The following ZNF804A variants were observed in gnomAD, a reference collection of about 807,000 sequenced individuals.
ZNF804A encodes the protein zinc finger protein 804A.
In ZNF804A, 2 loss-of-function variants were observed where a neutral mutation model predicts 16.5. That is an observed-to-expected ratio of 0.12 (90% CI 0.05 to 0.38). ZNF804A has a LOEUF of 0.38. ZNF804A is among the 10% of genes least tolerant of loss of function. ZNF804A has a pLI of 0.99. For synonymous variants in ZNF804A, 534 were observed against 489.6 expected (o/e 1.09, Z -1.20); for missense variants, 1,473 against 1,390.7 (o/e 1.06, Z -0.94).
intron 1 of ZNF804A, among the ~76,000 whole-genome samples, chr2:184,797,476 T>C (rs1694651360): frequency 6.6e-6 from 1 of 152,198 alleles, no homozygotes; most frequent in Non-Finnish European, 1.5e-5. Context: ...TCCATTTGCA[T>C]GAAATGCCTT....
intron 1 of ZNF804A, among the ~76,000 whole-genome samples, chr2:184,741,295 AGTT>A (rs1005518601): frequency 3.3e-5 from 5 of 152,310 alleles, no homozygotes; most frequent in Middle Eastern, 3.4e-3. Flanking sequence ...TGAAGCTCTC[AGTT>A]GTTCTCATTC....
rs762102799 is a variant in ZNF804A at position 184,937,245 on chromosome 2, C to T, written c.1849C>T (p.Arg617Cys). ...GGAGAAAACCAAAGAATCAGAAACT[C>T]GCTGCAAAATGGAAGCAGAGAATAG... is the stretch of plus-strand genomic sequence containing the variant. The part of the protein sequence containing the change: ...HMEKTKESET[R>C]CKMEAENSYT... Residue 617 changes from arginine (R) to cysteine (C), a missense_variant, in exon 4 of 4, where the codon CGC becomes TGC. Coordinates refer to ENST00000302277, the MANE Select transcript of ZNF804A (RefSeq NM_194250.2). The T allele has an allele frequency of 1.6e-5, 25 of 1,610,826 alleles. No individual in the cohort carries two copies. The South Asian group carries it at 2.0e-4, about 13-fold the overall frequency.
chr2:184,651,056 A>G (rs774419641), intron 1 of ZNF804A, among the ~76,000 whole-genome samples: 2 of 152,130 alleles, frequency 1.3e-5, no homozygotes, highest in Non-Finnish European at 2.9e-5. Context: ...TAAGGCTATT[A>G]TTATAGCCAA....
rs1381551788 is a variant in ZNF804A at position 184,866,469 on chromosome 2, A to C, written c.212A>C (p.Glu71Ala). Residue 71 changes from glutamate to alanine, a missense_variant, in exon 2 of 4, where the codon GAG becomes GCG. By Grantham distance (107) the Glu-to-Ala change is moderately radical. Transcript: ENST00000302277. ...GACAAGCAGTACTATAAGCACCAGG[A>C]GTTTGACAATCACATTAATTCATAT... ...LCDKQYYKHQEFDNHINSYDH... is the reference protein window; with the variant it reads ...LCDKQYYKHQAFDNHINSYDH... 1.9e-6 allele frequency: 3 copies of C among 1,612,536 alleles called. No individual in the cohort carries two copies. The South Asian group carries it at 3.3e-5, about 18-fold the overall frequency.
intron 1 of ZNF804A, among the ~76,000 whole-genome samples, chr2:184,744,388 G>C (rs1406374337): frequency 1.3e-5 from 2 of 151,834 alleles, no homozygotes; most frequent in African/African-American, 2.4e-5. Flanking sequence ...GTGATTTTAA[G>C]AGGTAGTGCC....
intron 1 of ZNF804A, among the ~76,000 whole-genome samples, chr2:184,678,723 A>G (rs1692482586): frequency 6.6e-6 from 1 of 152,218 alleles, no homozygotes; most frequent in South Asian, 2.1e-4. Context: ...TGTGTTGTCA[A>G]GAAAAACAAT....
At chr2:184,697,282 C>T (rs1692847352) in intron 1 of ZNF804A, among the ~76,000 whole-genome samples, 1 of 151,922 alleles carries the variant, frequency 6.6e-6, no homozygotes, top group South Asian at 2.1e-4. Context: ...AATATGCTTT[C>T]TGTTACATGA....
chr2:184,683,505 A>T (rs1246965738), intron 1 of ZNF804A, among the ~76,000 whole-genome samples: 1 of 152,098 alleles, frequency 6.6e-6, no homozygotes, highest in African/African-American at 2.4e-5. Context: ...CCCACCATTT[A>T]TTGTTCTTAT....
chr2:184,682,452 A>G (rs1692557917), intron 1 of ZNF804A, among the ~76,000 whole-genome samples: 2 of 152,156 alleles, frequency 1.3e-5, no homozygotes, highest in Admixed American at 1.3e-4. Context: ...ACATGGGTAG[A>G]ATTAGCTACA....
chr2:184,798,732 A>G (rs1435670678), intron 1 of ZNF804A, among the ~76,000 whole-genome samples: 1 of 152,166 alleles, frequency 6.6e-6, no homozygotes, highest in African/African-American at 2.4e-5. Context: ...TCTTTCTCAG[A>G]TAAATCAGGG....
At chr2:184,778,698 G>A (rs1358092078) in intron 1 of ZNF804A, among the ~76,000 whole-genome samples, 3 of 151,658 alleles carry the variant, frequency 2.0e-5, no homozygotes, top group Non-Finnish European at 4.4e-5. Flanking sequence ...CTTTAATAAT[G>A]TGCTATTATA....
intron 2 of ZNF804A, among the ~76,000 whole-genome samples, chr2:184,929,756 T>TAA (rs1199091785): frequency 6.6e-6 from 1 of 152,188 alleles, no homozygotes; most frequent in Admixed American, 6.6e-5. Flanking sequence ...GTAGAAAACT[T>TAA]AGATTCTTGT....
At chr2:184,719,593 C>T (rs147709352) in intron 1 of ZNF804A, among the ~76,000 whole-genome samples, 5 of 152,268 alleles carry the variant, frequency 3.3e-5, no homozygotes, top group African/African-American at 1.2e-4. Context: ...ACCAGATACC[C>T]TAAATCATCT....
chr2:184,771,342 C>T (rs1411022859), intron 1 of ZNF804A, among the ~76,000 whole-genome samples: 1 of 151,842 alleles, frequency 6.6e-6, no homozygotes, highest in Non-Finnish European at 1.5e-5. Context: ...AAAAACAAAA[C>T]ATGTATTTAA....
rs570002420 is a variant in ZNF804A, at chr2:184,721,459, G to A, written c.111+122389G>A. Among the ~76,000 whole-genome samples the A allele has an allele frequency of 5.3e-5, 8 of 151,920 alleles. No homozygotes were observed. The East Asian group carries it at 5.8e-4, about 11-fold the overall frequency. On this transcript the variant is annotated intron_variant, in intron 1 of 3. Transcript: ENST00000302277. Reference sequence around the variant, plus strand: ...ATTTCTCAAAATAAGACATACAAACGTCCAACAGGTATATAAAAAAAAATG... The same window carrying A: ...ATTTCTCAAAATAAGACATACAAACATCCAACAGGTATATAAAAAAAAATG...
chr2:184,647,503 C>T (rs1420818923), intron 1 of ZNF804A, among the ~76,000 whole-genome samples: 1 of 152,046 alleles, frequency 6.6e-6, no homozygotes, highest in African/African-American at 2.4e-5. Context: ...CAATCTAAAG[C>T]AGTCCAGGAA....
intron 1 of ZNF804A, among the ~76,000 whole-genome samples, chr2:184,697,442 C>T (rs1692849927): frequency 6.6e-6 from 1 of 151,976 alleles, no homozygotes; most frequent in Non-Finnish European, 1.5e-5. Flanking sequence ...CTACTACTTA[C>T]ATTAAATGCT....
At chr2:184,803,421 T>A (rs967656397) in intron 1 of ZNF804A, among the ~76,000 whole-genome samples, 31 of 152,312 alleles carry the variant, frequency 2.0e-4, no homozygotes, top group African/African-American at 2.9e-4. Context: ...TAACTTTTTT[T>A]AATTGTTTTT....
chr2:184,604,065 A>G (rs921436744), intron 1 of ZNF804A, among the ~76,000 whole-genome samples: 1 of 147,720 alleles, frequency 6.8e-6, no homozygotes, highest in Non-Finnish European at 1.5e-5. Context: ...TATGTTAGAT[A>G]GCTGCAATTT....
Sources: allele counts gnomAD v4.1 joint callset (sites outside exome capture counted in the v4.1 genomes callset), GRCh38; gene constraint gnomAD v4.1.1; transcripts MANE v1.5; gene names NCBI Gene and HGNC (gene_info 2026-07-23, HGNC 2026-07-21).